ATP10B: variants seen among roughly 807,000 people sequenced by gnomAD.
ATP10B encodes the protein ATPase phospholipid transporting 10B (putative).
In ATP10B, 122 loss-of-function variants were observed where a neutral mutation model predicts 141.2. That is an observed-to-expected ratio of 0.86 (90% CI 0.75 to 1.00). The LOEUF (loss-of-function observed/expected upper bound fraction) is 1.00, where lower values mean the gene tolerates loss of function less well. Ranked by LOEUF, ATP10B falls within the 50% of genes least tolerant of loss-of-function variation. ATP10B has a pLI of 0.00. For synonymous variants in ATP10B, 685 were observed against 692.0 expected (o/e 0.99, Z 0.16); for missense variants, 1,876 against 1,825.3 (o/e 1.03, Z -0.51).
At chr5:160,891,265 G>T in the ATP10B span, among the ~76,000 whole-genome samples, 1 of 152,120 alleles carries the variant, frequency 6.6e-6, no homozygotes, top group Non-Finnish European at 1.5e-5. Context: ...TTGCCAGGTG[G>T]CAGAGTAAGT....
chr5:160,738,531 A>G (rs891662882), intron 2 of ATP10B, among the ~76,000 whole-genome samples: 24 of 152,136 alleles, frequency 1.6e-4, no homozygotes, highest in Non-Finnish European at 3.2e-4. Flanking sequence ...TCAAAAAGGT[A>G]GAAGAAATAA....
chr5:160,578,344 G>A (rs541982755), intron 24 of ATP10B, among the ~76,000 whole-genome samples: 1 of 151,780 alleles, frequency 6.6e-6, no homozygotes, highest in Non-Finnish European at 1.5e-5. Context: ...CCCTCCCCTA[G>A]CACCATCTGA....
At chr5:160,634,741 G>A (rs1266595813) in intron 11 of ATP10B, 135 bp from the exon 12 acceptor site, 1 of 918,476 alleles carries the variant, frequency 1.1e-6, no homozygotes, top group Non-Finnish European at 1.6e-6. Context: ...GAAATTAACG[G>A]TCAATGACCT....
At chr5:160,773,652 G>C (rs986583934) in intron 2 of ATP10B, among the ~76,000 whole-genome samples, 1 of 152,078 alleles carries the variant, frequency 6.6e-6, no homozygotes. Context: ...GCAGATCTAG[G>C]CCTTAAACTC....
the ATP10B span, among the ~76,000 whole-genome samples, chr5:160,927,773 G>T: frequency 6.6e-6 from 1 of 152,296 alleles, no homozygotes; most frequent in Admixed American, 6.5e-5. Flanking sequence ...GTGCTAATGG[G>T]AGAGTTAAAA....
intron 2 of ATP10B, among the ~76,000 whole-genome samples, chr5:160,772,343 ACTTTT>A (rs1421846730): frequency 2.0e-5 from 3 of 152,084 alleles, no homozygotes; most frequent in Non-Finnish European, 4.4e-5. Flanking sequence ...TGCCAGGTTG[ACTTTT>A]CTTATCTGCT....
chr5:160,607,708 G>A (rs1315287304), intron 18 of ATP10B, among the ~76,000 whole-genome samples: 1 of 152,132 alleles, frequency 6.6e-6, no homozygotes, highest in African/African-American at 2.4e-5. Context: ...GGTTTGAACG[G>A]ACTACGGTTA....
At chr5:160,896,520 A>G in the ATP10B span, among the ~76,000 whole-genome samples, 48 of 152,342 alleles carry the variant, frequency 3.2e-4, no homozygotes, top group South Asian at 9.7e-3. Context: ...TGAATAGGCC[A>G]ATAACAAGTT....
intron 2 of ATP10B, among the ~76,000 whole-genome samples, chr5:160,749,129 G>A (rs940076572): frequency 1.3e-5 from 2 of 152,136 alleles, no homozygotes; most frequent in Non-Finnish European, 1.5e-5. Context: ...TAGTATTACC[G>A]GAGAGAACAT....
the ATP10B span, among the ~76,000 whole-genome samples, chr5:160,868,368 A>T: frequency 6.6e-6 from 1 of 152,092 alleles, no homozygotes; most frequent in African/African-American, 2.4e-5. Flanking sequence ...TAAACACCAC[A>T]AGGTTGACAA....
intron 1 of ATP10B, among the ~76,000 whole-genome samples, chr5:160,827,827 A>T (rs1581612279): frequency 6.6e-6 from 1 of 152,276 alleles, no homozygotes; most frequent in East Asian, 1.9e-4. Context: ...TTGAAAAGCA[A>T]TTCATTTATT....
chr5:160,598,636 G>T, intron 22 of ATP10B, 134 bp downstream of exon 22: 1 of 800,188 alleles, frequency 1.2e-6, no homozygotes, highest in Non-Finnish European at 2.0e-6. Flanking sequence ...GTTACTCAAA[G>T]TAAATGATGG....
chr5:160,916,872 C>T, the ATP10B span, among the ~76,000 whole-genome samples: 1 of 152,328 alleles, frequency 6.6e-6, no homozygotes, highest in South Asian at 2.1e-4. Flanking sequence ...TTCCTTTGGA[C>T]TCTATTCTCT....
chr5:160,775,259 C>T (rs1258645726), intron 2 of ATP10B, among the ~76,000 whole-genome samples: 9 of 152,212 alleles, frequency 5.9e-5, no homozygotes, highest in Non-Finnish European at 1.3e-4. Context: ...TGCCACTGGC[C>T]ATCCTAACAA....
At chr5:160,856,656 G>T (rs1346437752), upstream of ATP10B, among the ~76,000 whole-genome samples, 2 of 151,754 alleles carry the variant, frequency 1.3e-5, no homozygotes, top group Non-Finnish European at 3.0e-5. Context: ...TAGATGATTT[G>T]AGTTGTATGT....
chr5:160,898,691 C>T, the ATP10B span, among the ~76,000 whole-genome samples: 1 of 152,160 alleles, frequency 6.6e-6, no homozygotes, highest in Non-Finnish European at 1.5e-5. Flanking sequence ...AAGACACATG[C>T]ACACGTATAT....
chr5:160,925,346 G>A, the ATP10B span, among the ~76,000 whole-genome samples: 1 of 152,166 alleles, frequency 6.6e-6, no homozygotes, highest in Non-Finnish European at 1.5e-5. Flanking sequence ...CACTATTTAA[G>A]CTCGTCATAC....
the ATP10B span, among the ~76,000 whole-genome samples, chr5:160,913,985 T>C: frequency 1.3e-5 from 2 of 152,254 alleles, no homozygotes; most frequent in Non-Finnish European, 2.9e-5. Flanking sequence ...TGATGTGTCA[T>C]AAAATTTAAT....
At chr5:160,839,123 G>T (rs947640837) in intron 1 of ATP10B, among the ~76,000 whole-genome samples, 1 of 152,038 alleles carries the variant, frequency 6.6e-6, no homozygotes, top group Non-Finnish European at 1.5e-5. Flanking sequence ...TTTCTTTATA[G>T]ATTACCTAGT....
Sources: gnomAD v4.1 joint callset for allele counts (sites outside exome capture counted in the v4.1 genomes callset) on GRCh38, gnomAD v4.1.1 for gene constraint, MANE v1.5 for transcripts, NCBI Gene and HGNC (gene_info 2026-07-23, HGNC 2026-07-21) for gene names.